The following SLC25A53 variants were observed in gnomAD, a reference collection of about 807,000 sequenced individuals.
SLC25A53 encodes solute carrier family 25 member 53, also known as mitochondrial carrier triple repeat protein 6.
Under a neutral mutation model 15.0 loss-of-function variants are expected in SLC25A53, and 5 were observed. The observed-to-expected ratio is 0.33, with a 90% CI of 0.17 to 0.70. The LOEUF is 0.70. Ranked by LOEUF, SLC25A53 falls within the 30% of genes least tolerant of loss-of-function variation. SLC25A53 has a pLI of 0.67. For synonymous variants in SLC25A53, 95 were observed against 100.0 expected (o/e 0.95, Z 0.30); for missense variants, 216 against 241.6 (o/e 0.89, Z 0.70).
intron 1 of SLC25A53, among the ~76,000 whole-genome samples, chrX:104,147,335 A>G (rs2075470888): frequency 9.0e-6 from 1 of 111,457 alleles, no homozygotes; most frequent in African/African-American, 3.3e-5. Flanking sequence ...CGTTAGACCT[A>G]AAACCATAAA....
intron 1 of SLC25A53, among the ~76,000 whole-genome samples, chrX:104,148,697 G>A (rs2075476427): frequency 9.0e-6 from 1 of 111,085 alleles, no homozygotes; most frequent in South Asian, 3.8e-4. Context: ...GTAGGAGGAC[G>A]GGGGAGGGAT....
intron 1 of SLC25A53, among the ~76,000 whole-genome samples, chrX:104,134,078 A>G (rs1556365948): frequency 8.9e-6 from 1 of 112,048 alleles, no homozygotes; most frequent in African/African-American, 3.2e-5. Context: ...GCTAGACAGG[A>G]GAGGAGCAGC....
rs1445876907 is a variant in SLC25A53 at position 104,101,610 on chromosome X, T to G, written c.*2724A>C. 2.7e-5 allele frequency: 3 copies of G among 112,608 alleles called. No individual in the cohort carries two copies. The highest frequency in any genetic ancestry group is 5.6e-5 in the Non-Finnish European group (3 of 53,347). The allele number at this position is 112,608 out of a possible 1,213,427, so 9.3% of individuals were successfully genotyped here. On this transcript the variant is annotated 3_prime_UTR_variant, in exon 2 of 2. Transcript: ENST00000594199. Reference sequence around the variant, plus strand: ...TCACATATATTGTGTGAGTTTTCATTTTATTATATTCTGTAATAACTGTCC... The same window carrying G: ...TCACATATATTGTGTGAGTTTTCATGTTATTATATTCTGTAATAACTGTCC...
At chrX:104,126,639 AG>A (rs2147873620) in intron 1 of SLC25A53, among the ~76,000 whole-genome samples, 1 of 111,668 alleles carries the variant, frequency 9.0e-6, no homozygotes. Flanking sequence ...TGACAGAGTG[AG>A]ACCCTGTCTC....
chrX:104,155,220 G>A (rs890106957), intron 1 of SLC25A53, among the ~76,000 whole-genome samples: 2 of 108,042 alleles, frequency 1.9e-5, no homozygotes, highest in Admixed American at 9.9e-5. Flanking sequence ...GTGCAGTGGC[G>A]CAATCTTGGC....
chrX:104,119,461 T>C (rs782636134), intron 1 of SLC25A53, among the ~76,000 whole-genome samples: 6 of 111,447 alleles, frequency 5.4e-5, no homozygotes, highest in South Asian at 3.8e-4. Context: ...CTGAGAAACA[T>C]TGGCAACAAA....
intron 1 of SLC25A53, among the ~76,000 whole-genome samples, chrX:104,107,031 G>A (rs1484316585): frequency 1.5e-5 from 1 of 65,008 alleles, no homozygotes; most frequent in Non-Finnish European, 2.7e-5. Flanking sequence ...ATATCCCCAC[G>A]ATCTCATTCT....
intron 1 of SLC25A53, among the ~76,000 whole-genome samples, chrX:104,154,695 T>C (rs2075495241): frequency 8.9e-6 from 1 of 112,017 alleles, no homozygotes; most frequent in Admixed American, 9.5e-5. Flanking sequence ...CTGGAGAACA[T>C]TATGCTAAGT....
chrX:104,108,193 C>A (rs782155162), intron 1 of SLC25A53, among the ~76,000 whole-genome samples: 1 of 111,794 alleles, frequency 8.9e-6, no homozygotes, highest in East Asian at 2.8e-4. Context: ...TTGGAAAGGG[C>A]AGACAGACCC....
intron 1 of SLC25A53, among the ~76,000 whole-genome samples, chrX:104,141,620 T>TA (rs782139773): frequency 9.0e-6 from 1 of 111,620 alleles, no homozygotes; most frequent in Non-Finnish European, 1.9e-5. Flanking sequence ...TTTTTCCAGA[T>TA]AGAGTCTCAC....
chrX:104,151,420 C>T (rs941005450), intron 1 of SLC25A53, among the ~76,000 whole-genome samples: 3 of 111,616 alleles, frequency 2.7e-5, no homozygotes, highest in African/African-American at 6.5e-5. Flanking sequence ...AAAGCAAAAA[C>T]GTGACATTAT....
At chrX:104,127,505 T>A (rs2075414067) in intron 1 of SLC25A53, among the ~76,000 whole-genome samples, 1 of 111,859 alleles carries the variant, frequency 8.9e-6, no homozygotes, top group Non-Finnish European at 1.9e-5. Context: ...GGAAATTAGG[T>A]CTATATTCTA....
intron 1 of SLC25A53, among the ~76,000 whole-genome samples, chrX:104,121,063 C>G (rs1242490403): frequency 2.7e-5 from 3 of 111,857 alleles, no homozygotes; most frequent in Non-Finnish European, 5.6e-5. Flanking sequence ...ATTCAATTTG[C>G]TAATATTTTG....
At chrX:104,106,230 A>G (rs1449001220) in intron 1 of SLC25A53, among the ~76,000 whole-genome samples, 1 of 111,223 alleles carries the variant, frequency 9.0e-6, no homozygotes, top group Non-Finnish European at 1.9e-5. Flanking sequence ...TTACCCCAGA[A>G]AGGCCAGGAA....
intron 1 of SLC25A53, among the ~76,000 whole-genome samples, chrX:104,135,578 T>A (rs782504239): frequency 1.6e-4 from 18 of 110,981 alleles, no homozygotes; most frequent in African/African-American, 5.6e-4. Flanking sequence ...CTCACTGCCA[T>A]TGCCCTCGTT....
intron 1 of SLC25A53, among the ~76,000 whole-genome samples, chrX:104,138,420 C>T (rs1369460521): frequency 3.6e-5 from 4 of 112,266 alleles, no homozygotes; most frequent in Non-Finnish European, 7.5e-5. Flanking sequence ...TTCAGTGCCC[C>T]ACTGCTCAAA....
intron 1 of SLC25A53, among the ~76,000 whole-genome samples, chrX:104,142,920 CAAA>C (rs1216011123): frequency 1.2e-4 from 4 of 33,942 alleles, no homozygotes. Flanking sequence ...GACTCCATCT[CAAA>C]AAAAAAAAAA....
chrX:104,108,254 T>C (rs1174133276), intron 1 of SLC25A53, among the ~76,000 whole-genome samples: 1 of 111,654 alleles, frequency 9.0e-6, no homozygotes, highest in Non-Finnish European at 1.9e-5. Flanking sequence ...GGAAAAGACA[T>C]TTCATTCAGT....
intron 1 of SLC25A53, among the ~76,000 whole-genome samples, chrX:104,135,805 C>G (rs1216670604): frequency 8.9e-6 from 1 of 112,004 alleles, no homozygotes; most frequent in Non-Finnish European, 1.9e-5. Flanking sequence ...GTACTGGAGC[C>G]TATGCTAAGT....
Sources: allele counts gnomAD v4.1 joint callset (sites outside exome capture counted in the v4.1 genomes callset), GRCh38; gene constraint gnomAD v4.1.1; transcripts MANE v1.5; gene names NCBI Gene and HGNC (gene_info 2026-07-23, HGNC 2026-07-21).